MIER2: variants seen among roughly 807,000 people sequenced by gnomAD.
The protein encoded by MIER2 is mesoderm induction early response protein 2.
A neutral mutation model predicts 67.6 loss-of-function variants in MIER2; 30 were observed. The observed-to-expected ratio is 0.44, with a 90% CI of 0.33 to 0.60. MIER2 has a LOEUF of 0.60. Ranked by LOEUF, MIER2 falls within the 20% of genes least tolerant of loss-of-function variation. The probability of loss-of-function intolerance (pLI) is 0.02; values close to 1 mark genes in which losing one functional copy is unlikely to be tolerated. For missense variants in MIER2, 702 were observed against 745.1 expected, an observed-to-expected ratio of 0.94 and a Z score of 0.67; for synonymous variants, 372 against 312.6, an observed-to-expected ratio of 1.19 and a Z score of -2.00.
chr19:327,370 G>A (rs1296210081), intron 4 of MIER2, 114 bp from the exon 5 acceptor site: 4 of 1,301,228 alleles, frequency 3.1e-6, no homozygotes, highest in African/African-American at 1.5e-5. Context: ...ACATGGGGCT[G>A]CTATTCCCAT....
rs58673078 is a variant in MIER2 at position 342,024 on chromosome 19, G to A, written c.9+2750C>T. ...AATGACAGGGTGGCAGGTTCCATTC[G>A]CCAAGATGGCTGCACCTACCTCTCC... On this transcript the variant is annotated intron_variant, in intron 1 of 13. Coordinates refer to ENST00000264819, the MANE Select transcript of MIER2 (RefSeq NM_017550.3). Among the ~76,000 whole-genome samples, 264 of 152,160 alleles carry A rather than the reference G, an allele frequency of 1.7e-3. 3 individuals carry two copies. Among genetic ancestry groups the A allele is most frequent in the African/African-American group, 6.0e-3 (251 of 41,510 alleles).
intron 10 of MIER2, among the ~76,000 whole-genome samples, chr19:309,539 A>G (rs1970825370): frequency 6.6e-6 from 1 of 151,996 alleles, no homozygotes; most frequent in African/African-American, 2.4e-5. Flanking sequence ...AGGGCCAAAC[A>G]CACATGCACA....
rs1971839878 is a variant in MIER2, at chr19:327,961, A to T, written c.272T>A (p.Leu91His). 1 of 1,613,174 alleles carries T rather than the reference A, an allele frequency of 6.2e-7. No homozygotes were observed. The highest frequency in any genetic ancestry group is 1.3e-5 in the African/African-American group (1 of 74,852). The change falls in exon 4 of 14, where the codon CTT becomes CAT. Residue 91 changes from leucine to histidine, a missense_variant. Coordinates refer to ENST00000264819, the MANE Select transcript of MIER2 (RefSeq NM_017550.3). Reference sequence around the variant, plus strand: ...TGACGCCTCGTAGCCATAGAGCGCAAGCAGCTCATCAAAGGGCATGTCGTT... The same window carrying T: ...TGACGCCTCGTAGCCATAGAGCGCATGCAGCTCATCAAAGGGCATGTCGTT... ...QSNDMPFDEL[L>H]ALYGYEASDP... is the part of the protein sequence containing the mutation.
intron 7 of MIER2, among the ~76,000 whole-genome samples, chr19:318,154 A>G (rs1490277367): frequency 6.6e-6 from 1 of 152,232 alleles, no homozygotes; most frequent in African/African-American, 2.4e-5. Flanking sequence ...CAGTGAGTGG[A>G]TATTATGCCA....
chr19:316,550 A>G (rs1971244107), intron 7 of MIER2, among the ~76,000 whole-genome samples: 1 of 152,202 alleles, frequency 6.6e-6, no homozygotes, highest in Admixed American at 6.5e-5. Flanking sequence ...TCGGCCTCCC[A>G]AAGTGCTCGG....
chr19:309,909 GACACAC>G (rs770548032), intron 10 of MIER2, among the ~76,000 whole-genome samples: 3 of 88,534 alleles, frequency 3.4e-5, no homozygotes, highest in African/African-American at 1.9e-4. Flanking sequence ...CACGAGAAGG[GACACAC>G]ACACACACGC....
chr19:339,654 A>G (rs141570926), intron 1 of MIER2, among the ~76,000 whole-genome samples: 1 of 152,364 alleles, frequency 6.6e-6, no homozygotes, highest in Non-Finnish European at 1.5e-5. Context: ...AGAAGGACGC[A>G]CTGACACACT....
chr19:339,579 C>A (rs1315057450), intron 1 of MIER2, among the ~76,000 whole-genome samples: 3 of 152,188 alleles, frequency 2.0e-5, no homozygotes, highest in Non-Finnish European at 2.9e-5. Flanking sequence ...AACCATGTGA[C>A]CCAGGTCAGG....
rs1383553037 is a variant in MIER2, at chr19:305,724, G to C, written c.*966C>G. 1 of 152,558 alleles carries C rather than the reference G, an allele frequency of 6.6e-6. No individual in the cohort carries two copies. The highest frequency in any genetic ancestry group is 6.5e-5 in the Admixed American group (1 of 15,282). 9.5% of individuals were successfully genotyped at this position (152,558 alleles called of 1,614,324 possible). Reference sequence around the variant, plus strand: ...AAGAGGCCGGACGACACCCGGGGCAGGGCGCGCCGCCGCCCACGGAGGACC... The same window carrying C: ...AAGAGGCCGGACGACACCCGGGGCACGGCGCGCCGCCGCCCACGGAGGACC... On this transcript the variant is annotated 3_prime_UTR_variant, in exon 14 of 14. Transcript: ENST00000264819.
At chr19:329,110 G>C (rs189847468) in intron 3 of MIER2, among the ~76,000 whole-genome samples, 6 of 151,968 alleles carry the variant, frequency 3.9e-5, no homozygotes, top group African/African-American at 1.5e-4. Flanking sequence ...TCCAACTTCC[G>C]GAACACTCCC....
In MIER2 at chr19:313,897, G is replaced by A. The variant is rs544112072; in HGVS notation, c.656-254C>T. On this transcript the variant is annotated intron_variant, in intron 7 of 13. Transcript: ENST00000264819. The stretch of plus-strand genomic sequence containing the variant: ...CTGTATCCCAACGACCAAGTGCAGG[G>A]AGCCATGAGCAGTCAGCAGGGGCGC... 2.6e-5 allele frequency among the ~76,000 whole-genome samples: 4 copies of A among 152,300 alleles called. No individual in the cohort carries two copies. The South Asian group carries it at 8.3e-4, about 32-fold the overall frequency.
At chr19:340,893 C>A (rs1473661527) in intron 1 of MIER2, among the ~76,000 whole-genome samples, 1 of 152,064 alleles carries the variant, frequency 6.6e-6, no homozygotes, top group Admixed American at 6.5e-5. Flanking sequence ...GCCAGCAGGG[C>A]CCCCAGGGGG....
At chr19:339,763 G>A (rs1204052110) in intron 1 of MIER2, among the ~76,000 whole-genome samples, 1 of 152,080 alleles carries the variant, frequency 6.6e-6, no homozygotes, top group Non-Finnish European at 1.5e-5. Flanking sequence ...GTCTAGAGCA[G>A]GCAAATTCGT....
At chr19:324,451 A>C (rs1224178925) in intron 7 of MIER2, among the ~76,000 whole-genome samples, 1 of 141,756 alleles carries the variant, frequency 7.1e-6, no homozygotes, top group Non-Finnish European at 1.5e-5. Context: ...GACTCGAATG[A>C]CACAGACGTC....
intron 7 of MIER2, among the ~76,000 whole-genome samples, chr19:318,933 T>A (rs978572350): frequency 1.3e-5 from 2 of 151,436 alleles, no homozygotes; most frequent in African/African-American, 4.9e-5. Flanking sequence ...GGTGGGCGCC[T>A]ATAGTCCCAG....
chr19:327,400 G>T (rs1026234270), intron 4 of MIER2, 144 bp from the exon 5 acceptor site: 2 of 1,107,760 alleles, frequency 1.8e-6, no homozygotes, highest in Non-Finnish European at 2.5e-6. Context: ...GGTGCACAGC[G>T]TGGGGGGAGC....
At chr19:323,745 A>C (rs1446753624) in intron 7 of MIER2, among the ~76,000 whole-genome samples, 4 of 152,160 alleles carry the variant, frequency 2.6e-5, no homozygotes, top group African/African-American at 9.7e-5. Flanking sequence ...CACAGACGTC[A>C]TCACAATGCA....
intron 1 of MIER2, chr19:343,681 T>C (rs1972605506): frequency 2.9e-6 from 1 of 348,154 alleles, no homozygotes; most frequent in African/African-American, 2.2e-5. Context: ...GGGCACCTTT[T>C]CCTTTGGGCT....
chr19:334,672 G>A, intron 2 of MIER2, 130 bp from the exon 3 acceptor site: 3 of 1,291,230 alleles, frequency 2.3e-6, no homozygotes, highest in Non-Finnish European at 3.1e-6. Flanking sequence ...AGCCTCATGA[G>A]GGAACCCAAC....
Sources: gnomAD v4.1 joint callset for allele counts (sites outside exome capture counted in the v4.1 genomes callset) on GRCh38, gnomAD v4.1.1 for gene constraint, MANE v1.5 for transcripts, NCBI Gene and HGNC (gene_info 2026-07-23, HGNC 2026-07-21) for gene names.